The following DLGAP1 variants were observed in gnomAD, a reference collection of about 807,000 sequenced individuals.
The protein encoded by DLGAP1 is DLG associated protein 1.
A neutral mutation model predicts 90.8 loss-of-function variants in DLGAP1; 11 were observed. The ratio of observed to expected loss-of-function variants is 0.12; its 90% CI spans 0.08 to 0.20. The LOEUF is 0.20. Among genes scored for constraint, DLGAP1 ranks in the 10% least tolerant of loss-of-function variants. DLGAP1 has a pLI of 1.00. For missense variants in DLGAP1, 1,050 were observed against 1,333.8 expected (o/e 0.79, Z 3.31); for synonymous variants, 558 against 540.7 (o/e 1.03, Z -0.44).
Position 4,051,219 on chromosome 18 carries a change from A to G in DLGAP1, c.-158-46018T>C, listed in dbSNP as rs143126714. Reference sequence around the variant, plus strand: ...TCTTAGTTACCCTATTTTTCTATTTACCTTGTGATATGGCTTGGCTCTGTG... The same window carrying G: ...TCTTAGTTACCCTATTTTTCTATTTGCCTTGTGATATGGCTTGGCTCTGTG... On this transcript the variant is annotated intron_variant, in intron 2 of 12. Coordinates refer to ENST00000315677, the MANE Select transcript of DLGAP1 (RefSeq NM_004746.4). 4.9e-3 allele frequency among the ~76,000 whole-genome samples: 748 copies of G among 152,100 alleles called. 5 individuals carry two copies. Among genetic ancestry groups the G allele is most frequent in the African/African-American group, 0.012 (490 of 41,476 alleles).
chr18:3,605,857 C>T (rs908649667), intron 7 of DLGAP1, among the ~76,000 whole-genome samples: 1 of 151,996 alleles, frequency 6.6e-6, no homozygotes, highest in South Asian at 2.1e-4. Flanking sequence ...TTTTTAAAAG[C>T]TAGCCGTAAA....
chr18:3,939,200 C>A (rs2072709990), intron 3 of DLGAP1, among the ~76,000 whole-genome samples: 1 of 151,852 alleles, frequency 6.6e-6, no homozygotes, highest in African/African-American at 2.4e-5. Flanking sequence ...GGGTGGATCA[C>A]TTGAGGTCAG....
chr18:3,738,933 AAAAC>A (rs1263105033), intron 6 of DLGAP1, among the ~76,000 whole-genome samples: 1 of 148,910 alleles, frequency 6.7e-6, no homozygotes, highest in Non-Finnish European at 1.5e-5. Context: ...TTACAAGAAA[AAAAC>A]AAACAACCCC....
chr18:3,947,797 C>G (rs1250694846), intron 3 of DLGAP1, among the ~76,000 whole-genome samples: 1 of 152,186 alleles, frequency 6.6e-6, no homozygotes, highest in East Asian at 1.9e-4. Flanking sequence ...GCTACTACAA[C>G]AAGCCATGAT....
At position 4,045,432 on chromosome 18, in the gene DLGAP1, C is replaced by CAAAAAAAAAAAAAAAAAAAAAA. The variant is rs763466156; in HGVS notation, c.-158-40253_-158-40232dup. 1.1e-3 allele frequency among the ~76,000 whole-genome samples: 33 copies of CAAAAAAAAAAAAAAAAAAAAAA among 29,192 alleles called. 4 individuals are homozygous for CAAAAAAAAAAAAAAAAAAAAAA. The highest frequency in any genetic ancestry group is 2.5e-3 in the Admixed American group (3 of 1,220). 19.2% of individuals were successfully genotyped at this position (29,192 alleles called of 152,430 possible). A position where few individuals can be genotyped will look rare whatever the true frequency, so the allele number is the denominator to read the frequency against. ...GTAACATAGAAAGACCCCATCTCTA[C>CAAAAAAAAAAAAAAAAAAAAAA]AAAAAAAAAAAAAAAAAAAAAAAAA... On this transcript the variant is annotated intron_variant, in intron 2 of 12. Transcript: ENST00000315677.
intron 1 of DLGAP1, among the ~76,000 whole-genome samples, chr18:4,245,405 T>C (rs1236269517): frequency 6.6e-6 from 1 of 152,224 alleles, no homozygotes; most frequent in Non-Finnish European, 1.5e-5. Flanking sequence ...TACAAAGAGA[T>C]TTTCCTGCAC....
At chr18:3,643,588 G>A (rs1374777585) in intron 7 of DLGAP1, among the ~76,000 whole-genome samples, 4 of 149,964 alleles carry the variant, frequency 2.7e-5, no homozygotes, top group African/African-American at 7.4e-5. Context: ...GCGTGAACCC[G>A]GGAGGCAGAG....
chr18:3,645,255 G>T (rs2059078427), intron 7 of DLGAP1, among the ~76,000 whole-genome samples: 1 of 152,028 alleles, frequency 6.6e-6, no homozygotes, highest in African/African-American at 2.4e-5. Flanking sequence ...ACCACACCTG[G>T]CTAATTTTTG....
chr18:3,860,099 A>AAAAAAAAAAAAAAAAAAAAAAT (rs2069941751), intron 4 of DLGAP1, among the ~76,000 whole-genome samples: 1 of 144,810 alleles, frequency 6.9e-6, no homozygotes, highest in Non-Finnish European at 1.5e-5. Flanking sequence ...ACTCTGTCTC[A>AAAAAAAAAAAAAAAAAAAAAAT]AAAAATAAAT....
At chr18:3,885,518 G>A (rs146032765) in intron 3 of DLGAP1, 37 of 152,316 alleles carry the variant, frequency 2.4e-4, no homozygotes, top group African/African-American at 8.4e-4. Context: ...TGAAAAAAGA[G>A]GATGCTAGCC....
rs372485511 is a variant in DLGAP1 at position 4,156,506 on chromosome 18, CCAAT to C, written c.-266-5223_-266-5220del. ...GATTATGTTATCTTTCTGTGAAAAA[CCAAT>C]CAATTTCTGCAAGACACCATATCAT... On this transcript the variant is annotated intron_variant, in intron 1 of 12. Coordinates refer to ENST00000315677, the MANE Select transcript of DLGAP1 (RefSeq NM_004746.4). 7.2e-5 allele frequency among the ~76,000 whole-genome samples: 11 copies of C among 152,224 alleles called. No homozygotes were observed. The East Asian group carries it at 1.5e-3, about 21-fold the overall frequency.
At chr18:4,234,255 T>C (rs910007311) in intron 1 of DLGAP1, among the ~76,000 whole-genome samples, 16 of 152,278 alleles carry the variant, frequency 1.1e-4, no homozygotes, top group African/African-American at 3.6e-4. Context: ...AAAATTATGT[T>C]AGTTGCACTA....
chr18:3,804,420 G>A (rs2066472927), intron 5 of DLGAP1, among the ~76,000 whole-genome samples: 1 of 152,230 alleles, frequency 6.6e-6, no homozygotes, highest in Non-Finnish European at 1.5e-5. Flanking sequence ...TTCCCCAGAT[G>A]AACTGAAGGA....
chr18:4,120,739 C>T (rs1183429743), intron 2 of DLGAP1, among the ~76,000 whole-genome samples: 2 of 150,880 alleles, frequency 1.3e-5, no homozygotes, highest in African/African-American at 4.9e-5. Flanking sequence ...TTCCCTTCTC[C>T]CTCCCTCCGT....
intron 9 of DLGAP1, among the ~76,000 whole-genome samples, chr18:3,547,410 A>G (rs1393894771): frequency 6.6e-6 from 1 of 151,686 alleles, no homozygotes; most frequent in African/African-American, 2.4e-5. Flanking sequence ...CTCAACAACA[A>G]AAAGACAAAC....
chr18:4,094,731 G>A (rs2075648782), intron 2 of DLGAP1, among the ~76,000 whole-genome samples: 2 of 151,230 alleles, frequency 1.3e-5, no homozygotes, highest in Admixed American at 1.3e-4. Context: ...CCAAGTAGCT[G>A]GGACTACAGG....
At chr18:3,673,834 C>CCA (rs2060189032) in intron 7 of DLGAP1, among the ~76,000 whole-genome samples, 1 of 149,070 alleles carries the variant, frequency 6.7e-6, no homozygotes, top group African/African-American at 2.5e-5. Flanking sequence ...GAGTGAGCCA[C>CCA]TGTACCCAGC....
At chr18:3,672,201 GACACACACACACACACAC>G (rs3223621) in intron 7 of DLGAP1, among the ~76,000 whole-genome samples, 1 of 143,592 alleles carries the variant, frequency 7.0e-6, no homozygotes, top group Non-Finnish European at 1.5e-5. Context: ...CTGCTGATTA[GACACACACACACACACAC>G]ACACACACAC....
intron 7 of DLGAP1, among the ~76,000 whole-genome samples, chr18:3,712,930 T>G (rs2061642914): frequency 6.6e-6 from 1 of 152,214 alleles, no homozygotes; most frequent in Non-Finnish European, 1.5e-5. Flanking sequence ...CTGGTACTGT[T>G]TCCTTTACAG....
Sources: allele counts gnomAD v4.1 joint callset (sites outside exome capture counted in the v4.1 genomes callset), GRCh38; gene constraint gnomAD v4.1.1; transcripts MANE v1.5; gene names NCBI Gene and HGNC (gene_info 2026-07-23, HGNC 2026-07-21).